Variants in PCDH7 observed in about 807,000 individuals in gnomAD.
PCDH7 encodes protocadherin-7.
Under a neutral mutation model 58.9 loss-of-function variants are expected in PCDH7, and 17 were observed. The observed-to-expected ratio is 0.29, with a 90% confidence interval of 0.20 to 0.43. The LOEUF is 0.43. Ranked by LOEUF, PCDH7 falls within the 20% of genes least tolerant of loss-of-function variation. PCDH7 has a pLI of 1.00. For synonymous variants in PCDH7, 664 were observed against 616.4 expected (o/e 1.08, Z -1.14); for missense variants, 1,274 against 1,441.0 (o/e 0.88, Z 1.88).
chr4:30,801,170 T>C (rs1221551177), intron 1 of PCDH7, among the ~76,000 whole-genome samples: 1 of 152,148 alleles, frequency 6.6e-6, no homozygotes, highest in African/African-American at 2.4e-5. Flanking sequence ...AGATTAGATG[T>C]TGGGGAAAAG....
chr4:30,787,717 TGAA>T (rs1352135019), intron 1 of PCDH7, among the ~76,000 whole-genome samples: 1 of 152,108 alleles, frequency 6.6e-6, no homozygotes, highest in Non-Finnish European at 1.5e-5. Context: ...CTTGCTCAAT[TGAA>T]GATACTGTAT....
chr4:30,779,600 C>T (rs1220794689), intron 1 of PCDH7, among the ~76,000 whole-genome samples: 1 of 152,118 alleles, frequency 6.6e-6, no homozygotes, highest in Non-Finnish European at 1.5e-5. Context: ...ATCACTGTGC[C>T]AGTTCTTAGA....
At chr4:30,784,829 G>A (rs534141075) in intron 1 of PCDH7, among the ~76,000 whole-genome samples, 1 of 151,980 alleles carries the variant, frequency 6.6e-6, no homozygotes, top group East Asian at 1.9e-4. Context: ...AAAATAAAGA[G>A]CATTTACTAT....
chr4:30,890,596 G>A (rs911918780), intron 1 of PCDH7, among the ~76,000 whole-genome samples: 2 of 151,826 alleles, frequency 1.3e-5, no homozygotes. Context: ...TTTTCAAAGA[G>A]TTAATTCATT....
At chr4:30,822,556 T>G (rs1366742134) in intron 1 of PCDH7, among the ~76,000 whole-genome samples, 1 of 152,194 alleles carries the variant, frequency 6.6e-6, no homozygotes, top group Non-Finnish European at 1.5e-5. Flanking sequence ...GGATATTGTG[T>G]GCATTTTGAT....
At chr4:30,889,137 C>CAAAAAAAAAAAAAAAAAAAAAAAAAAA (rs371917620) in intron 1 of PCDH7, among the ~76,000 whole-genome samples, 3 of 49,986 alleles carry the variant, frequency 6.0e-5, no homozygotes, top group Admixed American at 2.4e-4. Context: ...GCAGATATCT[C>CAAAAAAAAAAAAAAAAAAAAAAAAAAA]AAAAAAAAAA....
intron 1 of PCDH7, among the ~76,000 whole-genome samples, chr4:30,904,391 C>G (rs77711785): frequency 1.3e-5 from 2 of 152,182 alleles, no homozygotes; most frequent in African/African-American, 4.8e-5. Context: ...AGAATCCTCA[C>G]AGTGCATCCC....
intron 1 of PCDH7, among the ~76,000 whole-genome samples, chr4:30,842,665 G>A (rs987498091): frequency 6.6e-6 from 1 of 152,104 alleles, no homozygotes; most frequent in African/African-American, 2.4e-5. Context: ...ATGTGAACAG[G>A]TGGGGAAGGC....
intron 1 of PCDH7, among the ~76,000 whole-genome samples, chr4:30,881,964 A>G (rs1353723493): frequency 6.6e-6 from 1 of 152,126 alleles, no homozygotes; most frequent in Non-Finnish European, 1.5e-5. Flanking sequence ...GCAGAGGGGC[A>G]CCCTTAAAGG....
chr4:31,090,921 C>A (rs1713162444), intron 3 of PCDH7, among the ~76,000 whole-genome samples: 1 of 151,946 alleles, frequency 6.6e-6, no homozygotes, highest in African/African-American at 2.4e-5. Flanking sequence ...GATGTATCTA[C>A]ATTTTTTAAA....
At chr4:30,967,039 A>C (rs59134115) in intron 3 of PCDH7, among the ~76,000 whole-genome samples, 28,634 of 152,032 alleles carry the variant, frequency 0.19, 3,402 homozygotes, top group South Asian at 0.26. Context: ...TTTTCTTTCT[A>C]TGTGCTGGAT....
intron 2 of PCDH7, among the ~76,000 whole-genome samples, chr4:30,949,571 C>T (rs868183737): frequency 6.6e-6 from 1 of 151,950 alleles, no homozygotes; most frequent in Non-Finnish European, 1.5e-5. Context: ...TTAGTTTGAC[C>T]TCCTCCAGTA....
At chr4:31,084,108 A>G (rs1205387561) in intron 3 of PCDH7, among the ~76,000 whole-genome samples, 5 of 152,222 alleles carry the variant, frequency 3.3e-5, no homozygotes, top group African/African-American at 1.2e-4. Flanking sequence ...TTTGATGCAG[A>G]TTATTAAAAA....
intron 2 of PCDH7, among the ~76,000 whole-genome samples, chr4:30,935,813 A>T (rs1745269897): frequency 6.6e-6 from 1 of 152,264 alleles, no homozygotes; most frequent in Middle Eastern, 3.4e-3. Flanking sequence ...ACTGCTAATT[A>T]TGCCAAATAA....
chr4:31,094,021 T>C (rs981258261), intron 3 of PCDH7, among the ~76,000 whole-genome samples: 1 of 152,132 alleles, frequency 6.6e-6, no homozygotes, highest in African/African-American at 2.4e-5. Flanking sequence ...GCTCTATCAC[T>C]GTCTTTGGGA....
At chr4:30,865,459 A>G (rs1273697857) in intron 1 of PCDH7, among the ~76,000 whole-genome samples, 2 of 152,020 alleles carry the variant, frequency 1.3e-5, no homozygotes, top group Non-Finnish European at 2.9e-5. Context: ...AAGCTAGACT[A>G]TAGTCTGGAA....
At chr4:30,814,415 G>T (rs1446633554) in intron 1 of PCDH7, among the ~76,000 whole-genome samples, 2 of 152,008 alleles carry the variant, frequency 1.3e-5, no homozygotes, top group Non-Finnish European at 2.9e-5. Flanking sequence ...TCGTTTAGTT[G>T]TGAGCTCCTT....
intron 3 of PCDH7, among the ~76,000 whole-genome samples, chr4:30,988,624 A>G (rs1314507367): frequency 1.3e-5 from 2 of 152,216 alleles, no homozygotes; most frequent in African/African-American, 4.8e-5. Flanking sequence ...AGTTTTGTTT[A>G]AGACACTAAA....
intron 3 of PCDH7, among the ~76,000 whole-genome samples, chr4:30,968,456 C>A (rs1749251107): frequency 7.2e-6 from 1 of 138,792 alleles, no homozygotes; most frequent in African/African-American, 2.7e-5. Context: ...GACAAGACAG[C>A]TCAGCCTTCA....
Sources: gnomAD v4.1 joint callset for allele counts (sites outside exome capture counted in the v4.1 genomes callset) on GRCh38, gnomAD v4.1.1 for gene constraint, MANE v1.5 for transcripts, NCBI Gene and HGNC (gene_info 2026-07-23, HGNC 2026-07-21) for gene names.